ANPEP: variants seen among roughly 807,000 people sequenced by gnomAD.
ANPEP encodes the protein aminopeptidase N.
A neutral mutation model predicts 114.6 loss-of-function variants in ANPEP; 70 were observed. The ratio of observed to expected loss-of-function variants is 0.61; its 90% CI spans 0.50 to 0.75. ANPEP has a LOEUF of 0.75. ANPEP is among the 30% of genes least tolerant of loss of function. ANPEP has a pLI of 0.00. For missense variants in ANPEP, 1,184 were observed against 1,259.5 expected (o/e 0.94, Z 0.91); for synonymous variants, 548 against 522.3 (o/e 1.05, Z -0.67).
chr15:89,787,132 G>A (rs893649698), intron 20 of ANPEP, among the ~76,000 whole-genome samples: 2 of 133,314 alleles, frequency 1.5e-5, no homozygotes, highest in South Asian at 2.4e-4. Flanking sequence ...TGCAAACTCC[G>A]CCTCCCGGGT....
Position 89,797,788 on chromosome 15 carries a change from C to T in ANPEP, c.2010-66G>A, listed in dbSNP as rs954932693. ...CAGCCCAGCCACAGCCTGGGAACCCCAACCCAGGCCCTCAAAGATGCTCCA... is the reference window on the plus strand; with the variant it reads ...CAGCCCAGCCACAGCCTGGGAACCCTAACCCAGGCCCTCAAAGATGCTCCA... On this transcript the variant is annotated intron_variant, in intron 14 of 20. Transcript: ENST00000300060. 23 of 1,598,870 alleles carry T rather than the reference C, an allele frequency of 1.4e-5. No individual in the cohort carries two copies. In the Admixed American group the frequency reaches 4.0e-4, roughly 28 times the overall value.
intron 15 of ANPEP, among the ~76,000 whole-genome samples, chr15:89,796,245 G>A (rs1413749489): frequency 3.3e-5 from 5 of 152,204 alleles, no homozygotes; most frequent in African/African-American, 4.8e-5. Context: ...TTGACCTATT[G>A]TGTGATACAT....
chr15:89,795,637 A>G lies in ANPEP; in HGVS notation c.2157+1938T>C, dbSNP rs143889308. ...ACATCAGTGGAGCAAGACCTTAAACATTCAGAGAAATAATTTCCCACCTTG... is the reference window on the plus strand; with the variant it reads ...ACATCAGTGGAGCAAGACCTTAAACGTTCAGAGAAATAATTTCCCACCTTG... On this transcript the variant is annotated intron_variant, in intron 15 of 20. Transcript: ENST00000300060. 9.8e-5 allele frequency among the ~76,000 whole-genome samples: 15 copies of G among 152,334 alleles called. No homozygotes were observed. The East Asian group carries it at 1.3e-3, about 14-fold the overall frequency.
intron 16 of ANPEP, 134 bp downstream of exon 16, chr15:89,792,901 C>G: frequency 5.0e-6 from 4 of 807,092 alleles, no homozygotes; most frequent in South Asian, 4.9e-5. Context: ...GCAGGACCTC[C>G]CTGCTCCTGG....
chr15:89,800,984 G>A (rs1473571801), intron 12 of ANPEP, 127 bp downstream of exon 12: 8 of 774,764 alleles, frequency 1.0e-5, no homozygotes, highest in Admixed American at 9.7e-5. Flanking sequence ...GCAGCAAAGT[G>A]GAGATTGGAA....
Position 89,792,481 on chromosome 15 carries a change from C to G in ANPEP, c.2331G>C (p.Lys777Asn). The G allele has an allele frequency of 6.2e-7, 1 of 1,614,126 alleles. No individual in the cohort carries two copies. The highest frequency in any genetic ancestry group is 8.5e-7 in the Non-Finnish European group (1 of 1,180,004). ...ECEEMVSGLF[K>N]QWMENPNNNP... ...TATTATTGGGGTTCTCCATCCACTG[C>G]TTGAAAAGGCCAGAGACCATCTCCT... is the stretch of plus-strand genomic sequence containing the variant. Residue 777 changes from lysine to asparagine, a missense_variant, in exon 17 of 21, where the codon AAG becomes AAC. Coordinates refer to ENST00000300060, the MANE Select transcript of ANPEP (RefSeq NM_001150.3).
rs1968755127 is a variant in ANPEP, at chr15:89,797,638, G to A, written c.2094C>T (p.Ala698=). The change falls in exon 15 of 21, where the codon GCC becomes GCT. Residue 698 remains alanine (A), a synonymous_variant. Transcript: ENST00000300060. ...EERQYMPWEA[A]LSSLSYFKLM... ...GCTTGAAGTAGCTCAGGCTGCTCAG[G>A]GCGGCCTCCCAGGGCATGTACTGTC... 6.2e-7 allele frequency: 1 copy of A among 1,614,016 alleles called. No individual in the cohort carries two copies.
At position 89,804,582 on chromosome 15, in the gene ANPEP, C is replaced by G. The variant is rs544473979; in HGVS notation, c.933G>C (p.Ala311=). 3.1e-6 allele frequency: 5 copies of G among 1,614,080 alleles called. No individual in the cohort carries two copies. The South Asian group carries it at 4.4e-5, about 14-fold the overall frequency. Residue 311 remains alanine, a synonymous_variant, in exon 5 of 21, where the codon GCG becomes GCC. Coordinates refer to ENST00000300060, the MANE Select transcript of ANPEP (RefSeq NM_001150.3). ...RIWARPSAIA[A]GHGDYALNVT... The stretch of plus-strand genomic sequence containing the variant: ...CGTTCAGGGCATAATCGCCGTGGCC[C>G]GCCGCAATGGCACTGGGCCGGGCCC...
Position 89,799,538 on chromosome 15 carries a change from G to A in ANPEP, c.1841C>T (p.Thr614Ile), listed in dbSNP as rs778943415. The A allele has an allele frequency of 3.1e-6, 5 of 1,614,102 alleles. No homozygotes were observed. Among genetic ancestry groups the A allele is most frequent in the Non-Finnish European group, 4.2e-6 (5 of 1,180,050 alleles). ...CAGCAGGACCCACTCATTGCCTGAT[G>A]TGCTGAAGAGATCGTTCTGGGCTGT... ...DVRAQNDLFS[T>I]SGNEWVLLNL... The change falls in exon 13 of 21, where the codon ACA (threonine) becomes ATA (isoleucine). Residue 614 changes from threonine to isoleucine, a missense_variant. Transcript: ENST00000300060. The surrounding 1 kb of genome is among the most constrained non-coding windows in gnomAD (Gnocchi z 4.2).
chr15:89,801,613 G>A lies in ANPEP; in HGVS notation c.1570-6C>T. On this transcript the variant is annotated splice_polypyrimidine_tract_variant and splice_region_variant and intron_variant, in intron 10 of 20. Coordinates refer to ENST00000300060, the MANE Select transcript of ANPEP (RefSeq NM_001150.3). ...ATGGACCGGTTGTTCACAGCCTGTG[G>A]GTGGAGCGAGAGGGCGTGGCCATCA... is the stretch of plus-strand genomic sequence containing the variant. 1 of 1,612,906 alleles carries A rather than the reference G, an allele frequency of 6.2e-7. No homozygotes were observed. Among genetic ancestry groups the A allele is most frequent in the South Asian group, 1.1e-5 (1 of 91,028 alleles).
chr15:89,803,358 C>G lies in ANPEP; in HGVS notation c.1504-54G>C. ...ACAGCTGGAGCCCCCCAGGCTCCCC[C>G]TCTGTGGTGGGCAGAGGCCCGGGTC... is the stretch of plus-strand genomic sequence containing the variant. On this transcript the variant is annotated intron_variant, in intron 9 of 20. Coordinates refer to ENST00000300060, the MANE Select transcript of ANPEP (RefSeq NM_001150.3). This position sits in a 1 kb window ranked among gnomAD's most constrained non-coding sequence, Gnocchi z 4.2. 6.2e-7 allele frequency: 1 copy of G among 1,613,704 alleles called. No individual in the cohort carries two copies.
intron 17 of ANPEP, 41 bp from the exon 18 acceptor site, chr15:89,792,368 G>T (rs1437460172): frequency 6.2e-7 from 1 of 1,613,008 alleles, no homozygotes; most frequent in African/African-American, 1.3e-5. Flanking sequence ...ACAGCAGCGG[G>T]GAGGGTGGGA....
In ANPEP at chr15:89,791,014, C is replaced by CAAT; in HGVS notation, c.2607_2608insATT (p.Asn869_Val870insIle). On this transcript the variant is annotated inframe_insertion, in exon 19 of 21. Coordinates refer to ENST00000300060, the MANE Select transcript of ANPEP (RefSeq NM_001150.3). Reference sequence around the variant, plus strand: ...TCCCAGACCAGACCTTGCCCAATGACGTTGTTGGTAATGCTGATGATGGTA... The same window carrying CAAT: ...TCCCAGACCAGACCTTGCCCAATGACAATGTTGTTGGTAATGCTGATGATGGTA... The CAAT allele has an allele frequency of 6.2e-7, 1 of 1,614,208 alleles. No homozygotes were observed. The highest frequency in any genetic ancestry group is 8.5e-7 in the Non-Finnish European group (1 of 1,180,038).
At chr15:89,796,772 G>A (rs978102622) in intron 15 of ANPEP, among the ~76,000 whole-genome samples, 1 of 152,110 alleles carries the variant, frequency 6.6e-6, no homozygotes, top group Non-Finnish European at 1.5e-5. Flanking sequence ...TGGGATTACA[G>A]GCATGAGCCC....
chr15:89,811,530 C>T (rs1350681288), intron 1 of ANPEP, among the ~76,000 whole-genome samples: 1 of 151,550 alleles, frequency 6.6e-6, no homozygotes, highest in African/African-American at 2.4e-5. Flanking sequence ...CCTGTAATCC[C>T]AACTACTCGG....
In ANPEP at chr15:89,804,884, G is replaced by A. The variant is rs974982158; in HGVS notation, c.897+194C>T. On this transcript the variant is annotated intron_variant, in intron 4 of 20. Coordinates refer to ENST00000300060, the MANE Select transcript of ANPEP (RefSeq NM_001150.3). ...GTGGGTCAGGAACTCCCTTCATGAAGAGAAACCATTGTTTTCATTTTTCAG... is the reference window on the plus strand; with the variant it reads ...GTGGGTCAGGAACTCCCTTCATGAAAAGAAACCATTGTTTTCATTTTTCAG... 8.3e-5 allele frequency: 75 copies of A among 899,450 alleles called. 1 individual carries two copies. The South Asian group carries it at 1.3e-3, about 15-fold the overall frequency. 55.7% of individuals were successfully genotyped at this position (899,450 alleles called of 1,614,324 possible). A position where few individuals can be genotyped will look rare whatever the true frequency, so the allele number is the denominator to read the frequency against.
Position 89,804,371 on chromosome 15 carries a change from A to T in ANPEP, c.1061T>A (p.Met354Lys). The change falls in exon 6 of 21, where the codon ATG becomes AAG. Residue 354 changes from methionine to lysine, a missense_variant. Coordinates refer to ENST00000300060, the MANE Select transcript of ANPEP (RefSeq NM_001150.3). ...IGLPDFNAGA[M>K]ENWGLVTYRE... is the part of the protein sequence containing the mutation. ...GTAGGTCACCAGTCCCCAGTTCTCCATGGCGCCGGCGTTGAAGTCTGGCAG... is the reference window on the plus strand; with the variant it reads ...GTAGGTCACCAGTCCCCAGTTCTCCTTGGCGCCGGCGTTGAAGTCTGGCAG... 6.2e-7 allele frequency: 1 copy of T among 1,614,160 alleles called. No individual in the cohort carries two copies. Among genetic ancestry groups the T allele is most frequent in the Non-Finnish European group, 8.5e-7 (1 of 1,180,016 alleles).
chr15:89,790,851 C>T, intron 19 of ANPEP, 102 bp downstream of exon 19: 1 of 1,446,278 alleles, frequency 6.9e-7, no homozygotes, highest in Non-Finnish European at 9.4e-7. Flanking sequence ...GATTTTTGTC[C>T]ACTTCTGGTT....
intron 18 of ANPEP, 59 bp from the exon 19 acceptor site, chr15:89,791,152 T>TG: frequency 6.3e-7 from 1 of 1,591,038 alleles, no homozygotes. Flanking sequence ...GGAGAGAACT[T>TG]GGACTGTCCC....
Sources: allele counts gnomAD v4.1 joint callset (sites outside exome capture counted in the v4.1 genomes callset), GRCh38; gene constraint gnomAD v4.1.1; non-coding constraint Gnocchi (gnomAD v3.1); transcripts MANE v1.5; gene names NCBI Gene and HGNC (gene_info 2026-07-23, HGNC 2026-07-21).